The following NETO2 variants were observed in gnomAD, a reference collection of about 807,000 sequenced individuals.
NETO2 encodes neuropilin and tolloid-like protein 2.
In NETO2, 28 loss-of-function variants were observed where a neutral mutation model predicts 62.5. That is an observed-to-expected ratio of 0.45 (90% CI 0.33 to 0.61). The LOEUF is 0.61. Ranked by LOEUF, NETO2 falls within the 20% of genes least tolerant of loss-of-function variation. NETO2 has a pLI of 0.02. For missense variants in NETO2, 548 were observed against 643.2 expected, an observed-to-expected ratio of 0.85 and a Z score of 1.60; for synonymous variants, 214 against 219.1, an observed-to-expected ratio of 0.98 and a Z score of 0.21.
intron 6 of NETO2, among the ~76,000 whole-genome samples, chr16:47,121,970 T>C (rs1031070184): frequency 6.6e-6 from 1 of 152,226 alleles, no homozygotes; most frequent in African/African-American, 2.4e-5. Flanking sequence ...TTATCTATCA[T>C]ATTACCCAAT....
intron 1 of NETO2, among the ~76,000 whole-genome samples, chr16:47,137,874 T>C (rs1440892684): frequency 1.3e-5 from 2 of 152,222 alleles, no homozygotes; most frequent in African/African-American, 4.8e-5. Context: ...TGCTCTGTCA[T>C]GCGAACAAGC....
intron 7 of NETO2, among the ~76,000 whole-genome samples, chr16:47,088,708 C>T (rs1214649916): frequency 6.6e-6 from 1 of 151,844 alleles, no homozygotes; most frequent in African/African-American, 2.4e-5. Flanking sequence ...TATTTTTCTC[C>T]CCTCCAAAGA....
intron 6 of NETO2, among the ~76,000 whole-genome samples, chr16:47,119,613 T>C (rs1320125324): frequency 1.3e-5 from 2 of 152,086 alleles, no homozygotes; most frequent in Non-Finnish European, 2.9e-5. Context: ...TTTGTTTTTC[T>C]TTTAACTTCT....
chr16:47,080,568 C>T lies in NETO2; in HGVS notation c.*2653G>A, dbSNP rs1048747730. 7 of 152,168 alleles carry T rather than the reference C, an allele frequency of 4.6e-5. No homozygotes were observed. The highest frequency in any genetic ancestry group is 1.4e-4 in the African/African-American group (6 of 41,446). The allele number at this position is 152,168 out of a possible 1,614,324, so 9.4% of individuals were successfully genotyped here. A position where few individuals can be genotyped will look rare whatever the true frequency, so the allele number is the denominator to read the frequency against. ...AATAATGCCTAAGATTTATTAGTTC[C>T]ATTCTTACCTCTTCCAAAAGCATAG... On this transcript the variant is annotated 3_prime_UTR_variant, in exon 9 of 9. Coordinates refer to ENST00000562435, the MANE Select transcript of NETO2 (RefSeq NM_018092.5).
At chr16:47,135,286 T>A (rs1174621976) in intron 1 of NETO2, among the ~76,000 whole-genome samples, 1 of 152,208 alleles carries the variant, frequency 6.6e-6, no homozygotes, top group Non-Finnish European at 1.5e-5. Flanking sequence ...CTGTCTTTAT[T>A]CCCAATCTAG....
intron 7 of NETO2, among the ~76,000 whole-genome samples, chr16:47,100,372 G>A (rs551632859): frequency 6.6e-6 from 1 of 152,120 alleles, no homozygotes; most frequent in Non-Finnish European, 1.5e-5. Flanking sequence ...ATCTAAAATC[G>A]ACACCCTAAC....
intron 2 of NETO2, among the ~76,000 whole-genome samples, chr16:47,130,914 A>G (rs1214285493): frequency 6.6e-6 from 1 of 152,128 alleles, no homozygotes; most frequent in Non-Finnish European, 1.5e-5. Context: ...CCTGGTTTAG[A>G]GGTAAAGTTG....
Position 47,080,101 on chromosome 16 carries a change from T to TGTGAAC in NETO2, c.*3114_*3119dup, listed in dbSNP as rs1398531190. 2 of 152,228 alleles carry TGTGAAC rather than the reference T, an allele frequency of 1.3e-5. No individual in the cohort carries two copies. Among genetic ancestry groups the TGTGAAC allele is most frequent in the Non-Finnish European group, 2.9e-5 (2 of 68,040 alleles). The allele number at this position is 152,228 out of a possible 1,614,324, so 9.4% of individuals were successfully genotyped here. A position where few individuals can be genotyped will look rare whatever the true frequency, so the allele number is the denominator to read the frequency against. On this transcript the variant is annotated 3_prime_UTR_variant, in exon 9 of 9. Coordinates refer to ENST00000562435, the MANE Select transcript of NETO2 (RefSeq NM_018092.5). ...TTGAAATCTCTTTTGTGATGTGAAA[T>TGTGAAC]GTGAACATTCTTTGCCTTTTGTTAA...
intron 7 of NETO2, among the ~76,000 whole-genome samples, chr16:47,089,707 T>C (rs1470048763): frequency 6.6e-6 from 1 of 152,122 alleles, no homozygotes; most frequent in Non-Finnish European, 1.5e-5. Context: ...TATGGTGGTG[T>C]TTTATTCACT....
Position 47,139,710 on chromosome 16 carries a change from T to A in NETO2, c.34+3869A>T, listed in dbSNP as rs966753373. ...AAGAACAAAGATGGATGGTGAACTTTGGGATCACTCCAGCCTACATATGCT... is the reference window on the plus strand; with the variant it reads ...AAGAACAAAGATGGATGGTGAACTTAGGGATCACTCCAGCCTACATATGCT... On this transcript the variant is annotated intron_variant, in intron 1 of 8. Transcript: ENST00000562435. Among the ~76,000 whole-genome samples, 4 of 152,368 alleles carry A rather than the reference T, an allele frequency of 2.6e-5. No individual in the cohort carries two copies. In the South Asian group the frequency reaches 8.3e-4, roughly 32 times the overall value.
In NETO2 at chr16:47,081,286, G is replaced by C. The variant is rs772375791; in HGVS notation, c.*1935C>G. The C allele has an allele frequency of 1.3e-5, 2 of 151,990 alleles. No homozygotes were observed. Among genetic ancestry groups the C allele is most frequent in the East Asian group, 1.9e-4 (1 of 5,202 alleles). 9.4% of individuals were successfully genotyped at this position (151,990 alleles called of 1,614,324 possible). Reference sequence around the variant, plus strand: ...TATTATGCTGTTCAAATGTTAGCTGGTGTAAGTTACCTACTAAAATGCTTA... The same window carrying C: ...TATTATGCTGTTCAAATGTTAGCTGCTGTAAGTTACCTACTAAAATGCTTA... On this transcript the variant is annotated 3_prime_UTR_variant, in exon 9 of 9. Coordinates refer to ENST00000562435, the MANE Select transcript of NETO2 (RefSeq NM_018092.5).
chr16:47,111,585 T>C (rs1963802694), intron 6 of NETO2, among the ~76,000 whole-genome samples: 1 of 152,200 alleles, frequency 6.6e-6, no homozygotes, highest in Non-Finnish European at 1.5e-5. Flanking sequence ...ACAACTTTCA[T>C]CAAGTAAGTG....
chr16:47,111,243 G>C lies in NETO2; in HGVS notation c.655-1532C>G, dbSNP rs539953517. Among the ~76,000 whole-genome samples, 4 of 152,256 alleles carry C rather than the reference G, an allele frequency of 2.6e-5. No individual in the cohort carries two copies. In the South Asian group the frequency reaches 8.3e-4, roughly 32 times the overall value. ...AAAGTGACTAGGCTTGTAAAACTAT[G>C]ACTTGGTAGAAGTATCAGTAGAATA... On this transcript the variant is annotated intron_variant, in intron 6 of 8. Transcript: ENST00000562435.
chr16:47,115,734 T>TATATAC (rs1284230818), intron 6 of NETO2, among the ~76,000 whole-genome samples: 1 of 142,516 alleles, frequency 7.0e-6, no homozygotes, highest in African/African-American at 2.7e-5. Flanking sequence ...TATATATACA[T>TATATAC]GTATATATAT....
chr16:47,101,915 C>T (rs907496476), intron 7 of NETO2, among the ~76,000 whole-genome samples: 1 of 152,188 alleles, frequency 6.6e-6, no homozygotes, highest in Non-Finnish European at 1.5e-5. Flanking sequence ...ACTTTCTTCA[C>T]AGAATTAGAA....
In NETO2 at chr16:47,129,345, G is replaced by C; in HGVS notation, c.111C>G (p.Ile37Met). The change falls in exon 3 of 9, where the codon ATC (isoleucine) becomes ATG (methionine). Residue 37 changes from isoleucine to methionine, a missense_variant. Physicochemically the swap from Ile to Met is conservative, Grantham distance 10. Coordinates refer to ENST00000562435, the MANE Select transcript of NETO2 (RefSeq NM_018092.5). ...QKTQDGQNIG[I>M]KHIPATQCGI... is the part of the protein sequence containing the mutation. ...CACACTGGGTTGCAGGAATATGCTT[G>C]ATTCCAATATTTTGTCCATCTTAGG... 6.2e-7 allele frequency: 1 copy of C among 1,613,910 alleles called. No individual in the cohort carries two copies. The highest frequency in any genetic ancestry group is 8.5e-7 in the Non-Finnish European group (1 of 1,179,920).
intron 8 of NETO2, 47 bp from the exon 9 acceptor site, chr16:47,083,848 A>G: frequency 7.2e-7 from 1 of 1,383,310 alleles, no homozygotes; most frequent in Non-Finnish European, 9.9e-7. Context: ...ATACATTAAT[A>G]TGAATCCTGG....
intron 1 of NETO2, among the ~76,000 whole-genome samples, chr16:47,139,300 T>C (rs1403192200): frequency 6.6e-6 from 1 of 152,170 alleles, no homozygotes; most frequent in Non-Finnish European, 1.5e-5. Context: ...GCCACACATG[T>C]GACCTTGCTT....
rs373587850 is a variant in NETO2, at chr16:47,095,587, AG to A, written c.884-9249del. On this transcript the variant is annotated intron_variant, in intron 7 of 8. Transcript: ENST00000562435. ...AAAAAGGACACGGTATATTGATAAAAGGGTCAATTCACCCAGAAGATATAAC... is the reference window on the plus strand; with the variant it reads ...AAAAAGGACACGGTATATTGATAAAAGGTCAATTCACCCAGAAGATATAAC... Among the ~76,000 whole-genome samples the A allele has an allele frequency of 2.7e-4, 41 of 152,336 alleles. No individual in the cohort carries two copies. The East Asian group carries it at 7.7e-3, about 29-fold the overall frequency.
Sources: allele counts gnomAD v4.1 joint callset (sites outside exome capture counted in the v4.1 genomes callset), GRCh38; gene constraint gnomAD v4.1.1; transcripts MANE v1.5; gene names NCBI Gene and HGNC (gene_info 2026-07-23, HGNC 2026-07-21).